Variants in CRADD observed in about 807,000 individuals in gnomAD.
CRADD encodes death domain-containing protein CRADD.
In CRADD, 9 loss-of-function variants were observed where a neutral mutation model predicts 15.5. The observed-to-expected ratio is 0.58, with a 90% confidence interval of 0.35 to 1.01. The LOEUF (loss-of-function observed/expected upper bound fraction) is 1.01, where lower values mean the gene tolerates loss of function less well. Ranked by LOEUF, CRADD falls within the 50% of genes least tolerant of loss-of-function variation. The pLI is 0.02. For synonymous variants in CRADD, 118 were observed against 107.6 expected, an observed-to-expected ratio of 1.10 and a Z score of -0.60; for missense variants, 227 against 250.3, an observed-to-expected ratio of 0.91 and a Z score of 0.63.
intron 2 of CRADD, among the ~76,000 whole-genome samples, chr12:93,810,382 C>T (rs1440198031): frequency 6.6e-6 from 1 of 151,622 alleles, no homozygotes; most frequent in African/African-American, 2.4e-5. Flanking sequence ...AGCCCCATCT[C>T]TACTAAAAAT....
At chr12:93,685,380 A>G (rs1955406403) in intron 2 of CRADD, among the ~76,000 whole-genome samples, 1 of 152,192 alleles carries the variant, frequency 6.6e-6, no homozygotes, top group Admixed American at 6.5e-5. Flanking sequence ...TAGGGTGAAT[A>G]TGGTTAACAG....
At chr12:93,711,345 G>A (rs1462522812) in intron 2 of CRADD, among the ~76,000 whole-genome samples, 2 of 152,024 alleles carry the variant, frequency 1.3e-5, no homozygotes, top group Non-Finnish European at 2.9e-5. Flanking sequence ...CACTGTCCTT[G>A]TTTCTCTGAT....
At chr12:93,888,731 C>T (rs1958555927) in intron 2 of CRADD, among the ~76,000 whole-genome samples, 1 of 152,040 alleles carries the variant, frequency 6.6e-6, no homozygotes, top group Non-Finnish European at 1.5e-5. Flanking sequence ...TAGTCTAGTC[C>T]AAGTTAATCC....
chr12:93,679,761 C>CTA (rs1955240637), intron 2 of CRADD, among the ~76,000 whole-genome samples: 1 of 152,152 alleles, frequency 6.6e-6, no homozygotes, highest in Non-Finnish European at 1.5e-5. Context: ...AGCAGGCATT[C>CTA]GGCCTACTGA....
intron 2 of CRADD, among the ~76,000 whole-genome samples, chr12:93,891,041 G>C (rs113259345): frequency 2.0e-5 from 3 of 151,202 alleles, no homozygotes; most frequent in Non-Finnish European, 4.4e-5. Context: ...GAGCCACCAC[G>C]CCTAGCCCAA....
chr12:93,790,191 A>G (rs1201292679), intron 2 of CRADD, among the ~76,000 whole-genome samples: 2 of 152,204 alleles, frequency 1.3e-5, no homozygotes, highest in South Asian at 2.1e-4. Flanking sequence ...AGCCGCAGAA[A>G]GAGCTTTGTT....
rs1270074378 is a variant in CRADD at position 93,677,444 on chromosome 12, C to G, written c.-35C>G. 1.3e-5 allele frequency: 2 copies of G among 152,258 alleles called. No homozygotes were observed. Among genetic ancestry groups the G allele is most frequent in the African/African-American group, 4.8e-5 (2 of 41,448 alleles). The allele number at this position is 152,258 out of a possible 1,614,324, so 9.4% of individuals were successfully genotyped here. A position where few individuals can be genotyped will look rare whatever the true frequency, so the allele number is the denominator to read the frequency against. ...CAGGATTCCGGTTGCAGTTTTTCTC[C>G]CCCGCCCCAAAGATACGTGGTTGCA... On this transcript the variant is annotated 5_prime_UTR_variant, in exon 1 of 3. Transcript: ENST00000332896.
chr12:93,686,949 A>G (rs1955454607), intron 2 of CRADD, among the ~76,000 whole-genome samples: 1 of 151,914 alleles, frequency 6.6e-6, no homozygotes, highest in Non-Finnish European at 1.5e-5. Context: ...GAGAATTTCC[A>G]AGGGCCTTTA....
At chr12:93,861,371 T>A (rs1335644268) in intron 2 of CRADD, among the ~76,000 whole-genome samples, 1 of 152,246 alleles carries the variant, frequency 6.6e-6, no homozygotes, top group Non-Finnish European at 1.5e-5. Context: ...GGGGCTCCAA[T>A]CAAGATGGCC....
chr12:93,688,665 G>A (rs1216119147), intron 2 of CRADD, among the ~76,000 whole-genome samples: 1 of 152,046 alleles, frequency 6.6e-6, no homozygotes, highest in Non-Finnish European at 1.5e-5. Context: ...TGAGGGAGGT[G>A]GTATTATTAC....
At chr12:93,683,874 T>C (rs917778826) in intron 2 of CRADD, among the ~76,000 whole-genome samples, 5 of 152,230 alleles carry the variant, frequency 3.3e-5, no homozygotes, top group African/African-American at 1.2e-4. Flanking sequence ...TTGCTCTGCA[T>C]GTAAGTTCAG....
At chr12:93,738,899 CTTG>C (rs1241010262) in intron 2 of CRADD, among the ~76,000 whole-genome samples, 1 of 152,068 alleles carries the variant, frequency 6.6e-6, no homozygotes, top group Admixed American at 6.6e-5. Flanking sequence ...AGAAAGTCCT[CTTG>C]TTGGTGTTAA....
chr12:93,867,938 A>G (rs1958384581), intron 2 of CRADD, among the ~76,000 whole-genome samples: 1 of 152,220 alleles, frequency 6.6e-6, no homozygotes, highest in Admixed American at 6.5e-5. Flanking sequence ...AAGAACAGCA[A>G]AAGAGGACTT....
intron 2 of CRADD, among the ~76,000 whole-genome samples, chr12:93,717,657 A>T (rs1244240497): frequency 6.6e-6 from 1 of 152,166 alleles, no homozygotes; most frequent in Non-Finnish European, 1.5e-5. Flanking sequence ...AGTAGCTGGG[A>T]CTACAGGCAT....
chr12:93,806,451 C>CAAAAAAAAAAAAAAAAAAAAA (rs59372325), intron 2 of CRADD, among the ~76,000 whole-genome samples: 1 of 59,208 alleles, frequency 1.7e-5, no homozygotes, highest in Non-Finnish European at 3.5e-5. Context: ...GACTCCATCT[C>CAAAAAAAAAAAAAAAAAAAAA]AAAAAAAAAA....
chr12:93,677,578 A>T (rs1955188316), intron 1 of CRADD, 106 bp downstream of exon 1: 1 of 152,240 alleles, frequency 6.6e-6, no homozygotes, highest in Non-Finnish European at 1.5e-5. Context: ...CGCATTTCCG[A>T]TCCGGGCCAA....
At chr12:93,807,343 C>A (rs943922155) in intron 2 of CRADD, among the ~76,000 whole-genome samples, 1 of 152,008 alleles carries the variant, frequency 6.6e-6, no homozygotes, top group African/African-American at 2.4e-5. Flanking sequence ...AGGAATGCTC[C>A]CCATGTCAGG....
intron 2 of CRADD, among the ~76,000 whole-genome samples, chr12:93,751,941 G>A (rs1446791350): frequency 6.6e-6 from 1 of 152,200 alleles, no homozygotes; most frequent in Non-Finnish European, 1.5e-5. Context: ...GCTTTCCAGA[G>A]CTTTATTCTC....
chr12:93,733,243 T>C (rs1194537808), intron 2 of CRADD, among the ~76,000 whole-genome samples: 1 of 152,192 alleles, frequency 6.6e-6, no homozygotes, highest in East Asian at 1.9e-4. Context: ...TTTAAGAAAT[T>C]GGGTACACAT....
Sources: gnomAD v4.1 joint callset for allele counts (sites outside exome capture counted in the v4.1 genomes callset) on GRCh38, gnomAD v4.1.1 for gene constraint, MANE v1.5 for transcripts, NCBI Gene and HGNC (gene_info 2026-07-23, HGNC 2026-07-21) for gene names.